Variants in GNAT3 observed in about 807,000 individuals in gnomAD.
The protein encoded by GNAT3 is G protein subunit alpha transducin 3.
GNAT3 carries 31 observed loss-of-function variants against 37.7 expected under a neutral mutation model. The observed-to-expected ratio is 0.82, with a 90% CI of 0.62 to 1.11. The LOEUF is 1.11. GNAT3 is among the 50% of genes most tolerant of loss of function. GNAT3 has a pLI of 0.00. For synonymous variants in GNAT3, 138 were observed against 139.8 expected (o/e 0.99, Z 0.09); for missense variants, 437 against 412.5 (o/e 1.06, Z -0.51).
chr7:80,462,352 T>C (rs1415889490), intron 6 of GNAT3, 40 bp from the exon 7 acceptor site: 2 of 1,593,802 alleles, frequency 1.3e-6, no homozygotes, highest in Non-Finnish European at 1.7e-6. Flanking sequence ...GGATTATTAT[T>C]TGCAAAATGT....
At chr7:80,479,692 CAG>C (rs1790359899) in intron 3 of GNAT3, among the ~76,000 whole-genome samples, 1 of 117,090 alleles carries the variant, frequency 8.5e-6, no homozygotes, top group African/African-American at 3.6e-5. Flanking sequence ...GCCTAGGTGA[CAG>C]AGCCAGACCC....
intron 3 of GNAT3, among the ~76,000 whole-genome samples, chr7:80,485,588 T>C (rs951311874): frequency 6.6e-6 from 1 of 152,172 alleles, no homozygotes; most frequent in Non-Finnish European, 1.5e-5. Context: ...TGACAAATAT[T>C]ATTTCCATCT....
At chr7:80,468,365 C>T (rs1241059396) in intron 5 of GNAT3, among the ~76,000 whole-genome samples, 1 of 151,996 alleles carries the variant, frequency 6.6e-6, no homozygotes, top group Admixed American at 6.6e-5. Flanking sequence ...ATCAACAATG[C>T]TACTGCAGGT....
intron 2 of GNAT3, among the ~76,000 whole-genome samples, chr7:80,492,359 A>T (rs1312524448): frequency 6.6e-6 from 1 of 151,524 alleles, no homozygotes; most frequent in Admixed American, 6.6e-5. Flanking sequence ...AATAAATTAA[A>T]TAAATAAATA....
intron 1 of GNAT3, among the ~76,000 whole-genome samples, chr7:80,509,454 A>G (rs1455027694): frequency 1.3e-5 from 2 of 152,118 alleles, no homozygotes; most frequent in Non-Finnish European, 2.9e-5. Context: ...TTACTTACTA[A>G]TGATGAAATT....
intron 1 of GNAT3, among the ~76,000 whole-genome samples, chr7:80,504,995 C>T (rs1790905077): frequency 6.6e-6 from 1 of 152,126 alleles, no homozygotes; most frequent in Admixed American, 6.5e-5. Flanking sequence ...GAAAATGATA[C>T]ACTGTTTTAT....
At chr7:80,505,821 G>A (rs1289486329) in intron 1 of GNAT3, among the ~76,000 whole-genome samples, 1 of 151,942 alleles carries the variant, frequency 6.6e-6, no homozygotes, top group Non-Finnish European at 1.5e-5. Flanking sequence ...CATATCTTAT[G>A]GATTCTTAAA....
intron 1 of GNAT3, among the ~76,000 whole-genome samples, chr7:80,497,651 TATATACATATACGTATATACATAC>T (rs1790756150): frequency 1.8e-5 from 2 of 113,934 alleles, no homozygotes; most frequent in African/African-American, 9.6e-5. Context: ...TACATATACG[TATATACATATACGTATATACATAC>T]ATATATACAC....
intron 1 of GNAT3, among the ~76,000 whole-genome samples, chr7:80,495,046 G>T (rs1790689563): frequency 1.3e-5 from 2 of 151,914 alleles, no homozygotes; most frequent in South Asian, 2.1e-4. Context: ...CCATCCATTT[G>T]CTGGCAAAGA....
chr7:80,503,617 A>C (rs573319932), intron 1 of GNAT3, among the ~76,000 whole-genome samples: 1 of 152,310 alleles, frequency 6.6e-6, no homozygotes, highest in East Asian at 1.9e-4. Flanking sequence ...GACAATGGAG[A>C]GGGAATAGTC....
chr7:80,484,011 T>C (rs1039578855), intron 3 of GNAT3, among the ~76,000 whole-genome samples: 7 of 152,168 alleles, frequency 4.6e-5, no homozygotes, highest in African/African-American at 1.7e-4. Flanking sequence ...CTGGGATACA[T>C]GTGCAGAACA....
chr7:80,474,859 T>C (rs949050827), intron 4 of GNAT3, among the ~76,000 whole-genome samples: 2 of 152,216 alleles, frequency 1.3e-5, no homozygotes, highest in African/African-American at 4.8e-5. Flanking sequence ...TTCTGTAGTT[T>C]GAATTTAGGC....
At position 80,462,545 on chromosome 7, in the gene GNAT3, G is replaced by A; in HGVS notation, c.677C>T (p.Ala226Val). The stretch of plus-strand genomic sequence containing the variant: ...GAGGACCATGTCATAGGCACTAAGT[G>A]CAGCACAAAATATAATGCATGTAAC... The part of the protein sequence containing the change: ...EGVTCIIFCA[A>V]LSAYDMVLVE... Residue 226 changes from alanine to valine, a missense_variant, in exon 6 of 8, where the codon GCA becomes GTA. Physicochemically the swap from Ala to Val is moderately conservative, Grantham distance 64. Coordinates refer to ENST00000398291, the MANE Select transcript of GNAT3 (RefSeq NM_001102386.3). 1 of 1,613,592 alleles carries A rather than the reference G, an allele frequency of 6.2e-7. No homozygotes were observed. The highest frequency in any genetic ancestry group is 8.5e-7 in the Non-Finnish European group (1 of 1,179,602).
intron 2 of GNAT3, among the ~76,000 whole-genome samples, chr7:80,490,537 G>A (rs1458321029): frequency 6.6e-6 from 1 of 152,160 alleles, no homozygotes; most frequent in Non-Finnish European, 1.5e-5. Context: ...GTGATAATCA[G>A]CTGATTGTTC....
chr7:80,468,355 A>G (rs1027500341), intron 5 of GNAT3, among the ~76,000 whole-genome samples: 1 of 152,144 alleles, frequency 6.6e-6, no homozygotes, highest in African/African-American at 2.4e-5. Context: ...GTAGCTAAAA[A>G]TCAACAATGC....
intron 4 of GNAT3, among the ~76,000 whole-genome samples, chr7:80,476,282 G>T (rs1243968236): frequency 6.6e-6 from 1 of 151,400 alleles, no homozygotes. Flanking sequence ...GGGAGTTCAA[G>T]TCTATAATCT....
intron 7 of GNAT3, among the ~76,000 whole-genome samples, chr7:80,459,866 A>AT (rs1354119602): frequency 4.6e-5 from 7 of 152,224 alleles, no homozygotes; most frequent in African/African-American, 1.7e-4. Flanking sequence ...GCATGGAGTT[A>AT]TAGGAGTTAA....
At chr7:80,504,820 C>A (rs769572685) in intron 1 of GNAT3, among the ~76,000 whole-genome samples, 4 of 151,976 alleles carry the variant, frequency 2.6e-5, no homozygotes, top group Admixed American at 1.3e-4. Flanking sequence ...TGTTTTGTTG[C>A]ATATTAGTGA....
At chr7:80,465,917 A>T (rs1233817897) in intron 5 of GNAT3, among the ~76,000 whole-genome samples, 2 of 152,126 alleles carry the variant, frequency 1.3e-5, no homozygotes, top group African/African-American at 4.8e-5. Flanking sequence ...TGATTGAACA[A>T]TGATGATTAA....
Sources: allele counts gnomAD v4.1 joint callset (sites outside exome capture counted in the v4.1 genomes callset), GRCh38; gene constraint gnomAD v4.1.1; transcripts MANE v1.5; gene names NCBI Gene and HGNC (gene_info 2026-07-23, HGNC 2026-07-21).